Variants in ADAM20 observed in about 807,000 individuals in gnomAD.
ADAM20 encodes the protein disintegrin and metalloproteinase domain-containing protein 20.
For synonymous variants in ADAM20, 305 were observed against 310.2 expected, an observed-to-expected ratio of 0.98 and a Z score of 0.18; for missense variants, 871 against 883.2, an observed-to-expected ratio of 0.99 and a Z score of 0.18.
the ADAM20 span, among the ~76,000 whole-genome samples, chr14:70,544,949 T>A: frequency 1.3e-5 from 2 of 152,276 alleles, no homozygotes; most frequent in South Asian, 4.1e-4. Flanking sequence ...GCAATATTGA[T>A]CAATATTAAT....
chr14:70,534,831 C>T lies in ADAM20; in HGVS notation c.-211G>A, dbSNP rs1883798104. On this transcript the variant is annotated 5_prime_UTR_variant, in exon 1 of 2. Coordinates refer to ENST00000256389, the MANE Select transcript of ADAM20 (RefSeq NM_003814.5). ...TTTCAGTGTTCCATTTTTATATTTT[C>T]AGTCCTCTAATAACTTTTTAAATTT... 6.6e-6 allele frequency: 1 copy of T among 152,120 alleles called. No individual in the cohort carries two copies. Among genetic ancestry groups the T allele is most frequent in the African/African-American group, 2.4e-5 (1 of 41,422 alleles). 9.4% of individuals were successfully genotyped at this position (152,120 alleles called of 1,614,324 possible).
chr14:70,569,745 T>C, the ADAM20 span, among the ~76,000 whole-genome samples: 1 of 151,984 alleles, frequency 6.6e-6, no homozygotes, highest in Non-Finnish European at 1.5e-5. Context: ...ATCCTAACTA[T>C]ACCTGCACCC....
rs1883482811 is a variant in ADAM20, at chr14:70,522,848, G to A, written c.1910C>T (p.Pro637Leu). Residue 637 changes from proline to leucine, a missense_variant, in exon 2 of 2, where the codon CCT becomes CTT. Pro to Leu is a moderately conservative substitution (Grantham distance 98). Transcript: ENST00000256389. ...SMVHLSQACQPKTCNMRGICN... is the reference protein window; with the variant it reads ...SMVHLSQACQLKTCNMRGICN... Reference sequence around the variant, plus strand: ...GATTCCCCTCATGTTGCAGGTCTTAGGCTGACAGGCTTGTGACAGATGAAC... The same window carrying A: ...GATTCCCCTCATGTTGCAGGTCTTAAGCTGACAGGCTTGTGACAGATGAAC... 3 of 1,614,066 alleles carry A rather than the reference G, an allele frequency of 1.9e-6. No individual in the cohort carries two copies. The South Asian group carries it at 3.3e-5, about 18-fold the overall frequency.
chr14:70,574,004 C>T, the ADAM20 span, among the ~76,000 whole-genome samples: 2 of 152,222 alleles, frequency 1.3e-5, no homozygotes, highest in African/African-American at 2.4e-5. Flanking sequence ...TTGAACAACA[C>T]ATTAAATCAA....
intron 1 of ADAM20, 25 bp downstream of exon 1, chr14:70,534,772 T>C (rs1341268658): frequency 1.3e-5 from 2 of 152,256 alleles, no homozygotes; most frequent in Non-Finnish European, 2.9e-5. Flanking sequence ...TTAATAATAC[T>C]GTAGCTCCTT....
the ADAM20 span, chr14:70,557,122 C>G: frequency 1.3e-5 from 2 of 151,866 alleles, no homozygotes; most frequent in Non-Finnish European, 2.9e-5. Flanking sequence ...ACTGTGAAAA[C>G]ATATAAACAA....
the ADAM20 span, among the ~76,000 whole-genome samples, chr14:70,568,092 C>T: frequency 3.3e-5 from 5 of 152,086 alleles, no homozygotes; most frequent in East Asian, 5.8e-4. Context: ...AACTGCACCA[C>T]CAAACAAAAA....
the ADAM20 span, among the ~76,000 whole-genome samples, chr14:70,541,743 G>A: frequency 2.6e-5 from 4 of 152,156 alleles, no homozygotes; most frequent in East Asian, 1.9e-4. Context: ...ATTGGTATGT[G>A]TTCCAAAGTT....
the ADAM20 span, among the ~76,000 whole-genome samples, chr14:70,558,681 A>C: frequency 6.6e-6 from 1 of 151,720 alleles, no homozygotes; most frequent in South Asian, 2.1e-4. Flanking sequence ...ATGAAAATGA[A>C]GTAAAAATAA....
chr14:70,565,360 A>T, the ADAM20 span, among the ~76,000 whole-genome samples: 1 of 152,120 alleles, frequency 6.6e-6, no homozygotes, highest in African/African-American at 2.4e-5. Flanking sequence ...AACCCTAATT[A>T]AAAAAATGAC....
At chr14:70,530,511 T>C (rs1883688714) in intron 1 of ADAM20, among the ~76,000 whole-genome samples, 1 of 152,214 alleles carries the variant, frequency 6.6e-6, no homozygotes, top group South Asian at 2.1e-4. Flanking sequence ...CATAATTGCA[T>C]GTACTATACT....
chr14:70,536,465 CAAAAAAA>C (rs56738784), upstream of ADAM20, among the ~76,000 whole-genome samples: 30 of 43,118 alleles, frequency 7.0e-4, no homozygotes, highest in South Asian at 2.2e-3. Context: ...AACTCTGTCT[CAAAAAAA>C]AAAAAAAAAA....
chr14:70,540,223 A>C, the ADAM20 span, among the ~76,000 whole-genome samples: 1 of 152,064 alleles, frequency 6.6e-6, no homozygotes, highest in East Asian at 1.9e-4. Flanking sequence ...CCAATAATCC[A>C]ATTGGGTAAT....
the ADAM20 span, among the ~76,000 whole-genome samples, chr14:70,572,720 A>G: frequency 4.9e-4 from 74 of 152,270 alleles, no homozygotes; most frequent in African/African-American, 1.7e-3. Context: ...ACTAATATCT[A>G]TGATCTATAA....
Position 70,522,660 on chromosome 14 carries a change from G to A in ADAM20, c.2098C>T (p.Leu700Phe), listed in dbSNP as rs144548693. Residue 700 changes from leucine (L) to phenylalanine (F), a missense_variant, in exon 2 of 2, where the codon CTT becomes TTT. Leu to Phe is a conservative substitution (Grantham distance 22, BLOSUM62 0). Transcript: ENST00000256389. ...KLRYLSLLCL[L>F]PLVAFLLFCL... ...AATAATAAAAAAGCAACCAAAGGAA[G>A]AAGGCACAATAGTGACAGGTAACGC... 639 of 1,613,932 alleles carry A rather than the reference G, an allele frequency of 4.0e-4. No individual in the cohort carries two copies. The highest frequency in any genetic ancestry group is 5.5e-4 in the Admixed American group (33 of 59,980).
chr14:70,528,357 A>C (rs1883636264), intron 1 of ADAM20, among the ~76,000 whole-genome samples: 1 of 152,224 alleles, frequency 6.6e-6, no homozygotes, highest in Non-Finnish European at 1.5e-5. Context: ...GGTTGTGAGG[A>C]AATGGATCAG....
chr14:70,532,709 G>A (rs1034445960), intron 1 of ADAM20, among the ~76,000 whole-genome samples: 1 of 152,152 alleles, frequency 6.6e-6, no homozygotes, highest in African/African-American at 2.4e-5. Context: ...AAGGCCCAAG[G>A]CCCTAAATTC....
chr14:70,523,047 C>T lies in ADAM20; in HGVS notation c.1711G>A (p.Val571Ile), dbSNP rs924678790. The T allele has an allele frequency of 5.6e-6, 9 of 1,613,988 alleles. No homozygotes were observed. Among genetic ancestry groups the T allele is most frequent in the Non-Finnish European group, 7.6e-6 (9 of 1,179,956 alleles). ...GAATGCTCTATCAGATTGGGAATTA[C>T]TCCCACATTTTCACACTGAACCCTC... ...CGRVQCENVG[V>I]IPNLIEHSTV... Residue 571 changes from valine (V) to isoleucine (I), a missense_variant, in exon 2 of 2, where the codon GTA becomes ATA. Transcript: ENST00000256389.
the ADAM20 span, among the ~76,000 whole-genome samples, chr14:70,543,716 G>C: frequency 2.0e-5 from 3 of 152,112 alleles, no homozygotes; most frequent in Middle Eastern, 3.4e-3. Context: ...CCATTTCACA[G>C]ACAACTACTC....
Sources: gnomAD v4.1 joint callset for allele counts (sites outside exome capture counted in the v4.1 genomes callset) on GRCh38, gnomAD v4.1.1 for gene constraint, MANE v1.5 for transcripts, NCBI Gene and HGNC (gene_info 2026-07-23, HGNC 2026-07-21) for gene names.